The following SEMA4D variants were observed in gnomAD, a reference collection of about 807,000 sequenced individuals.
SEMA4D encodes the protein semaphorin 4D.
In SEMA4D, 22 loss-of-function variants were observed where a neutral mutation model predicts 74.8. The observed-to-expected ratio is 0.29, with a 90% CI of 0.21 to 0.42. The LOEUF is 0.42. Ranked by LOEUF, SEMA4D falls within the 10% of genes least tolerant of loss-of-function variation. The pLI is 1.00. For missense variants in SEMA4D, 937 were observed against 1,118.4 expected (o/e 0.84, Z 2.31); for synonymous variants, 445 against 463.7 (o/e 0.96, Z 0.52).
In SEMA4D at chr9:89,381,632, G is replaced by A. The variant is rs949020523; in HGVS notation, c.1447-286C>T. ...CCTCCAGCAAAGCGCTTCTCTGCAC[G>A]TGTTTCTCTTAGCCAGTGGGGAGGC... On this transcript the variant is annotated intron_variant, in intron 13 of 15. Coordinates refer to ENST00000422704, the MANE Select transcript of SEMA4D (RefSeq NM_001371194.2). This position sits in a 1 kb window ranked among gnomAD's most constrained non-coding sequence, Gnocchi z 4.6. 6 of 317,134 alleles carry A rather than the reference G, an allele frequency of 1.9e-5. No individual in the cohort carries two copies. Among genetic ancestry groups the A allele is most frequent in the Middle Eastern group, 8.6e-4 (1 of 1,160 alleles). 19.6% of individuals were successfully genotyped at this position (317,134 alleles called of 1,614,324 possible). A position where few individuals can be genotyped will look rare whatever the true frequency, so the allele number is the denominator to read the frequency against.
At chr9:89,472,307 G>T in intron 1 of SEMA4D, 1 of 429,482 alleles carries the variant, frequency 2.3e-6, no homozygotes, top group African/African-American at 2.0e-5. Flanking sequence ...CTCGATGAAG[G>T]CCAGAAAGGA....
Position 89,379,559 on chromosome 9 carries a change from T to C in SEMA4D, c.1734A>G (p.Gln578=), listed in dbSNP as rs1270442023. 6.2e-7 allele frequency: 1 copy of C among 1,614,212 alleles called. No individual in the cohort carries two copies. Among genetic ancestry groups the C allele is most frequent in the South Asian group, 1.1e-5 (1 of 91,086 alleles). ...HGGTAELKCS[Q]KSNLARVFWK... ...AAAAGACCCGGGCCAGGTTGGATTT[T>C]TGGGAGCATTTCAGTTCCGCTGTGC... Residue 578 remains glutamine, a synonymous_variant, in exon 16 of 16, where the codon CAA becomes CAG. Transcript: ENST00000422704.
intron 2 of SEMA4D, among the ~76,000 whole-genome samples, chr9:89,410,752 G>A (rs1314457334): frequency 6.6e-6 from 1 of 152,176 alleles, no homozygotes; most frequent in Non-Finnish European, 1.5e-5. Context: ...AAAGGAACCC[G>A]CCCACACCAG....
intron 1 of SEMA4D, among the ~76,000 whole-genome samples, chr9:89,470,470 TA>T: frequency 6.6e-6 from 1 of 152,306 alleles, no homozygotes; most frequent in Non-Finnish European, 1.5e-5. Context: ...AGAAAAAACT[TA>T]ACAATACCAG....
At chr9:89,414,380 C>T (rs1845233000) in intron 2 of SEMA4D, among the ~76,000 whole-genome samples, 1 of 152,208 alleles carries the variant, frequency 6.6e-6, no homozygotes, top group South Asian at 2.1e-4. Context: ...CTTAGAGTCT[C>T]TCCAGGCCCT....
intron 2 of SEMA4D, among the ~76,000 whole-genome samples, chr9:89,444,233 T>G (rs1852308360): frequency 6.6e-6 from 1 of 152,108 alleles, no homozygotes; most frequent in Non-Finnish European, 1.5e-5. Flanking sequence ...CTCCATGGCC[T>G]CCTCCCTGGC....
chr9:89,392,448 T>C lies in SEMA4D; in HGVS notation c.597A>G (p.Thr199=). The change falls in exon 8 of 16, where the codon ACA becomes ACG. Residue 199 remains threonine, a synonymous_variant. Transcript: ENST00000422704. ...CGTTCAGCCAAGGGATTGCATATTC[T>C]GTCCTCAGAGGACTGTGGGAAGAAT... is the stretch of plus-strand genomic sequence containing the variant. ...SRNSSHSPLR[T]EYAIPWLNEP... is the part of the protein sequence containing the mutation. 2 of 1,613,652 alleles carry C rather than the reference T, an allele frequency of 1.2e-6. No individual in the cohort carries two copies. Among genetic ancestry groups the C allele is most frequent in the Non-Finnish European group, 1.7e-6 (2 of 1,179,574 alleles).
At chr9:89,388,504 T>C in intron 11 of SEMA4D, 132 bp downstream of exon 11, 2 of 1,090,096 alleles carry the variant, frequency 1.8e-6, no homozygotes, top group Non-Finnish European at 2.5e-6. Context: ...TCATCGGCCG[T>C]CCCTGTCCCA....
intron 2 of SEMA4D, among the ~76,000 whole-genome samples, chr9:89,426,477 G>A (rs954839278): frequency 6.6e-6 from 1 of 152,172 alleles, no homozygotes; most frequent in African/African-American, 2.4e-5. Context: ...GCTTTTGCCA[G>A]CCTTAGCAAC....
chr9:89,400,430 T>TGTA (rs1298270531), intron 4 of SEMA4D, among the ~76,000 whole-genome samples: 2 of 152,254 alleles, frequency 1.3e-5, no homozygotes, highest in African/African-American at 2.4e-5. Flanking sequence ...CCAAAAGGCT[T>TGTA]GTAGCAGGTG....
At chr9:89,365,161 G>C (rs13301905) in intron 16 of SEMA4D, 43,333 of 152,264 alleles carry the variant, frequency 0.28, 6,542 homozygotes, top group South Asian at 0.42. Context: ...GGGGGCCACA[G>C]TCCCACTAAG....
intron 2 of SEMA4D, among the ~76,000 whole-genome samples, chr9:89,446,539 C>A (rs1296655328): frequency 6.6e-6 from 1 of 152,226 alleles, no homozygotes; most frequent in African/African-American, 2.4e-5. Flanking sequence ...ACCATCCCGT[C>A]TCCATGATAA....
chr9:89,479,432 G>A (rs990381978), intron 1 of SEMA4D: 30 of 153,950 alleles, frequency 1.9e-4, no homozygotes, highest in South Asian at 4.0e-4. Flanking sequence ...CCTCAGCCCC[G>A]TCCTCGTTGG....
At chr9:89,433,786 T>C (rs1338697480) in intron 2 of SEMA4D, among the ~76,000 whole-genome samples, 1 of 152,166 alleles carries the variant, frequency 6.6e-6, no homozygotes, top group Non-Finnish European at 1.5e-5. Flanking sequence ...AGCATGGCCC[T>C]AGGTGCAGAT....
At chr9:89,493,292 T>G (rs1483793969) in intron 1 of SEMA4D, among the ~76,000 whole-genome samples, 2 of 152,168 alleles carry the variant, frequency 1.3e-5, no homozygotes, top group Non-Finnish European at 2.9e-5. Context: ...AGAATGTGCA[T>G]CCACCCACTG....
intron 13 of SEMA4D, among the ~76,000 whole-genome samples, chr9:89,384,302 G>A (rs544490748): frequency 2.0e-5 from 3 of 152,290 alleles, no homozygotes; most frequent in Non-Finnish European, 2.9e-5. Context: ...ATTCACATAC[G>A]ACAGAGGAGT....
At chr9:89,421,094 G>A (rs1386886651) in intron 2 of SEMA4D, among the ~76,000 whole-genome samples, 1 of 152,190 alleles carries the variant, frequency 6.6e-6, no homozygotes, top group African/African-American at 2.4e-5. Context: ...CTGCACACAC[G>A]GGGGATCGGG....
chr9:89,396,343 G>A (rs1840955445), intron 6 of SEMA4D, among the ~76,000 whole-genome samples: 1 of 152,162 alleles, frequency 6.6e-6, no homozygotes, highest in Admixed American at 6.5e-5. Flanking sequence ...GTCCTTTCCA[G>A]CACGTCCCCT....
rs543428677 is a variant in SEMA4D at position 89,469,090 on chromosome 9, C to A, written c.-309-13137G>T. Reference sequence around the variant, plus strand: ...TTAATACATTCCCAATTCCCAATATCAGGAAAGAAGGAAATGTTATCACTA... The same window carrying A: ...TTAATACATTCCCAATTCCCAATATAAGGAAAGAAGGAAATGTTATCACTA... On this transcript the variant is annotated intron_variant, in intron 1 of 15. Coordinates refer to ENST00000422704, the MANE Select transcript of SEMA4D (RefSeq NM_001371194.2). 5.9e-5 allele frequency among the ~76,000 whole-genome samples: 9 copies of A among 152,224 alleles called. No homozygotes were observed. In the East Asian group the frequency reaches 1.7e-3, roughly 29 times the overall value.
Sources: allele counts gnomAD v4.1 joint callset (sites outside exome capture counted in the v4.1 genomes callset), GRCh38; gene constraint gnomAD v4.1.1; non-coding constraint Gnocchi (gnomAD v3.1); transcripts MANE v1.5; gene names NCBI Gene and HGNC (gene_info 2026-07-23, HGNC 2026-07-21).